Variants in TGM7 observed in about 807,000 individuals in gnomAD.
TGM7 encodes protein-glutamine gamma-glutamyltransferase Z.
TGM7 carries 74 observed loss-of-function variants against 79.5 expected under a neutral mutation model. The observed-to-expected ratio is 0.93, with a 90% CI of 0.77 to 1.13. The LOEUF is 1.13. TGM7 is among the 50% of genes most tolerant of loss of function. The pLI is 0.00. For synonymous variants in TGM7, 354 were observed against 362.5 expected (o/e 0.98, Z 0.27); for missense variants, 912 against 905.9 (o/e 1.01, Z -0.09).
Position 43,282,606 on chromosome 15 carries a change from C to T in TGM7, c.1019G>A (p.Trp340Ter), listed in dbSNP as rs1319374932. ...KRDKIWNFHV[W>*]NECWMIRKDL... ...TTTCCGGATCATCCAGCACTCATTC[C>T]AGACGTGGAAGTTCCTGCAGGAGGG... Residue 340 changes from tryptophan to a stop codon, truncating the protein, a stop_gained, in exon 8 of 13, where the codon TGG (tryptophan) becomes TAG (stop). Coordinates refer to ENST00000452443, the MANE Select transcript of TGM7 (RefSeq NM_052955.3). LOFTEE classifies it high-confidence loss of function. 1 of 1,596,690 alleles carries T rather than the reference C, an allele frequency of 6.3e-7. No individual in the cohort carries two copies. Among genetic ancestry groups the T allele is most frequent in the African/African-American group, 1.3e-5 (1 of 74,746 alleles).
At position 43,276,446 on chromosome 15, in the gene TGM7, G is replaced by A. The variant is rs1373082431; in HGVS notation, c.*9C>T. 1.2e-6 allele frequency: 2 copies of A among 1,608,950 alleles called. No homozygotes were observed. The highest frequency in any genetic ancestry group is 1.3e-5 in the African/African-American group (1 of 74,800). ...AGGGGTGCCAGGGAGGGCAGCTGGA[G>A]GGCGGGTCTCAGGGAGCCCCAGCCA... On this transcript the variant is annotated 3_prime_UTR_variant, in exon 13 of 13. Coordinates refer to ENST00000452443, the MANE Select transcript of TGM7 (RefSeq NM_052955.3).
intron 10 of TGM7, 146 bp from the exon 11 acceptor site, chr15:43,279,423 C>T: frequency 8.7e-7 from 1 of 1,145,682 alleles, no homozygotes; most frequent in Non-Finnish European, 1.2e-6. Context: ...CCACCACGCA[C>T]ACACTGTCCC....
chr15:43,287,288 A>G lies in TGM7; in HGVS notation c.857T>C (p.Met286Thr), dbSNP rs1458564143. ...YGQCWVFASV[M>T]CTVMRCLGVP... is the part of the protein sequence containing the mutation. ...AGTGATCTTTCGCTCACCGGTGCAC[A>G]TAACAGAGGCGAAGACCCAGCACTG... Residue 286 changes from methionine (M) to threonine (T), a missense_variant, in exon 6 of 13, where the codon ATG becomes ACG. Coordinates refer to ENST00000452443, the MANE Select transcript of TGM7 (RefSeq NM_052955.3). The G allele has an allele frequency of 6.2e-7, 1 of 1,613,044 alleles. No individual in the cohort carries two copies. The highest frequency in any genetic ancestry group is 8.5e-7 in the Non-Finnish European group (1 of 1,179,926).
rs1323007824 is a variant in TGM7, at chr15:43,284,920, C to T, written c.898G>A (p.Val300Ile). ...TTGTGCGCGGAACGGAAATTGGAAA[C>T]AACACGGGTTGGAACACCTAAGCAT... The part of the protein sequence containing the change: ...MRCLGVPTRV[V>I]SNFRSAHNVD... The change falls in exon 7 of 13, where the codon GTT becomes ATT. Residue 300 changes from valine to isoleucine, a missense_variant. Physicochemically the swap from Val to Ile is conservative, Grantham distance 29. Coordinates refer to ENST00000452443, the MANE Select transcript of TGM7 (RefSeq NM_052955.3). The T allele has an allele frequency of 6.2e-7, 1 of 1,614,192 alleles. No homozygotes were observed. Among genetic ancestry groups the T allele is most frequent in the Admixed American group, 1.7e-5 (1 of 60,028 alleles).
chr15:43,300,734 G>A (rs2043021480), intron 1 of TGM7, among the ~76,000 whole-genome samples: 1 of 152,202 alleles, frequency 6.6e-6, no homozygotes, highest in Non-Finnish European at 1.5e-5. Flanking sequence ...CCTGGAGGCG[G>A]AGCTTGCAGT....
chr15:43,287,564 C>T lies in TGM7; in HGVS notation c.664G>A (p.Val222Met). Residue 222 changes from valine to methionine, a missense_variant, in exon 5 of 13, where the codon GTG (valine) becomes ATG (methionine). Physicochemically the swap from Val to Met is conservative, Grantham distance 21. Coordinates refer to ENST00000452443, the MANE Select transcript of TGM7 (RefSeq NM_052955.3). ...DCSQRNDVVY[V>M]CRVVSAMINS... ...ACCATGGCACTCACCACCCTGCACACATACACCACGTCGTTCCGCTGGGAA... is the reference window on the plus strand; with the variant it reads ...ACCATGGCACTCACCACCCTGCACATATACACCACGTCGTTCCGCTGGGAA... 1 of 1,614,082 alleles carries T rather than the reference C, an allele frequency of 6.2e-7. No homozygotes were observed. The highest frequency in any genetic ancestry group is 1.1e-5 in the South Asian group (1 of 91,052).
At chr15:43,290,085 G>A (rs371023294) in intron 4 of TGM7, among the ~76,000 whole-genome samples, 9 of 152,158 alleles carry the variant, frequency 5.9e-5, no homozygotes, top group African/African-American at 9.6e-5. Flanking sequence ...CCCATTTGTC[G>A]ATTTTGGCTT....
intron 11 of TGM7, among the ~76,000 whole-genome samples, chr15:43,277,219 G>A (rs1324838994): frequency 6.6e-6 from 1 of 152,210 alleles, no homozygotes; most frequent in African/African-American, 2.4e-5. Context: ...CCAATCAGCA[G>A]TTGCCACCAA....
chr15:43,288,276 G>T (rs2042946066), intron 4 of TGM7, among the ~76,000 whole-genome samples: 1 of 152,198 alleles, frequency 6.6e-6, no homozygotes, highest in Non-Finnish European at 1.5e-5. Context: ...GTTTCAAAGA[G>T]GGTCACAGGT....
At position 43,301,095 on chromosome 15, in the gene TGM7, G is replaced by A. The variant is rs370580616; in HGVS notation, c.10+1146C>T. Among the ~76,000 whole-genome samples, 354 of 152,004 alleles carry A rather than the reference G, an allele frequency of 2.3e-3. 6 individuals are homozygous for A. The South Asian group carries it at 0.04, about 17-fold the overall frequency. Reference sequence around the variant, plus strand: ...CCCCCCAGGCTCATGCAGTCCTCCCGCCTCAGCCCTCCAAGTAGCTGGAAC... The same window carrying A: ...CCCCCCAGGCTCATGCAGTCCTCCCACCTCAGCCCTCCAAGTAGCTGGAAC... On this transcript the variant is annotated intron_variant, in intron 1 of 12. Transcript: ENST00000452443.
intron 11 of TGM7, 131 bp downstream of exon 11, chr15:43,278,986 C>T: frequency 1.0e-6 from 1 of 997,816 alleles, no homozygotes; most frequent in Non-Finnish European, 1.4e-6. Context: ...GAGCACTAGA[C>T]CACACCATAC....
intron 1 of TGM7, among the ~76,000 whole-genome samples, chr15:43,301,402 G>C (rs1358448384): frequency 6.6e-6 from 1 of 151,664 alleles, no homozygotes; most frequent in East Asian, 2.0e-4. Context: ...GGCCAAGGTG[G>C]GTGGGTCACC....
chr15:43,293,477 G>A lies in TGM7; in HGVS notation c.165C>T (p.Asn55=). 1.2e-6 allele frequency: 2 copies of A among 1,608,950 alleles called. No homozygotes were observed. Among genetic ancestry groups the A allele is most frequent in the Non-Finnish European group, 1.7e-6 (2 of 1,177,332 alleles). The change falls in exon 2 of 13, where the codon AAC becomes AAT. Residue 55 remains asparagine, a synonymous_variant. Coordinates refer to ENST00000452443, the MANE Select transcript of TGM7 (RefSeq NM_052955.3). ...TCTCAGCCACAAAGGTGATGTGGTC[G>A]TTCTGGGACTGGAAGGGTCGGCTGA... The part of the protein sequence containing the change: ...LSFSRPFQSQ[N]DHITFVAETG...
At position 43,282,405 on chromosome 15, in the gene TGM7, G is replaced by A. The variant is rs2042914019; in HGVS notation, c.1108+112C>T. ...GAAGCTGTGTCAGCTGGGACCTCGG[G>A]AAGAGGGTGCCGTGGAAAACGCTGC... On this transcript the variant is annotated intron_variant, in intron 8 of 12. Coordinates refer to ENST00000452443, the MANE Select transcript of TGM7 (RefSeq NM_052955.3). 13 of 947,446 alleles carry A rather than the reference G, an allele frequency of 1.4e-5. No homozygotes were observed. In the South Asian group the frequency reaches 2.0e-4, roughly 15 times the overall value. The allele number at this position is 947,446 out of a possible 1,614,324, so 58.7% of individuals were successfully genotyped here.
chr15:43,296,412 G>C (rs1427514832), intron 1 of TGM7, among the ~76,000 whole-genome samples: 2 of 128,456 alleles, frequency 1.6e-5, no homozygotes, highest in South Asian at 5.0e-4. Flanking sequence ...GTGACAGAGC[G>C]AGACTCTGTC....
intron 9 of TGM7, among the ~76,000 whole-genome samples, chr15:43,280,349 C>T (rs1208645181): frequency 1.3e-5 from 2 of 152,132 alleles, no homozygotes; most frequent in Non-Finnish European, 2.9e-5. Flanking sequence ...TTCGGCCAGG[C>T]GCAGTGGCTC....
In TGM7 at chr15:43,287,577, G is replaced by A. The variant is rs756336934; in HGVS notation, c.651C>T (p.Asn217=). ...KNPAKDCSQR[N]DVVYVCRVVS... The stretch of plus-strand genomic sequence containing the variant: ...CCACCCTGCACACATACACCACGTC[G>A]TTCCGCTGGGAACAGTCTTTGGCCG... Residue 217 remains asparagine (N), a synonymous_variant, in exon 5 of 13, where the codon AAC becomes AAT. Coordinates refer to ENST00000452443, the MANE Select transcript of TGM7 (RefSeq NM_052955.3). 1.7e-4 allele frequency: 267 copies of A among 1,614,032 alleles called. No individual in the cohort carries two copies. The highest frequency in any genetic ancestry group is 2.2e-4 in the Non-Finnish European group (254 of 1,180,034).
In TGM7 at chr15:43,280,985, A is replaced by G. The variant is rs77286524; in HGVS notation, c.1351+859T>C. On this transcript the variant is annotated intron_variant, in intron 9 of 12. Transcript: ENST00000452443. ...GAGGTAATGACTGGTCAGCTGCTTA[A>G]TTGAGCACAGGTTCAGATTGTTACT... 6.2e-3 allele frequency among the ~76,000 whole-genome samples: 938 copies of G among 152,300 alleles called. 17 individuals carry two copies. Among genetic ancestry groups the G allele is most frequent in the African/African-American group, 0.022 (901 of 41,556 alleles).
chr15:43,285,976 G>A (rs1307777492), intron 6 of TGM7, among the ~76,000 whole-genome samples: 1 of 152,132 alleles, frequency 6.6e-6, no homozygotes, highest in African/African-American at 2.4e-5. Flanking sequence ...AGTTCAGAGA[G>A]GTTTATCCCA....
Sources: allele counts gnomAD v4.1 joint callset (sites outside exome capture counted in the v4.1 genomes callset), GRCh38; gene constraint gnomAD v4.1.1; transcripts MANE v1.5; gene names NCBI Gene and HGNC (gene_info 2026-07-23, HGNC 2026-07-21).